CPA6: variants seen among roughly 807,000 people sequenced by gnomAD.
CPA6 encodes the protein carboxypeptidase B.
CPA6 carries 58 observed loss-of-function variants against 63.3 expected under a neutral mutation model. The observed-to-expected ratio is 0.92, with a 90% CI of 0.74 to 1.14. The LOEUF is 1.14. Among genes scored for constraint, CPA6 ranks in the 50% most tolerant of loss-of-function variants. CPA6 has a pLI of 0.00. For missense variants in CPA6, 565 were observed against 526.6 expected (o/e 1.07, Z -0.71); for synonymous variants, 185 against 179.0 (o/e 1.03, Z -0.27).
At chr8:67,554,335 G>A (rs1813012961) in intron 2 of CPA6, among the ~76,000 whole-genome samples, 1 of 152,114 alleles carries the variant, frequency 6.6e-6, no homozygotes, top group Admixed American at 6.6e-5. Flanking sequence ...TGGCAAGAAT[G>A]GGAGCAAGAG....
chr8:67,667,455 C>T (rs898455791), intron 1 of CPA6, among the ~76,000 whole-genome samples: 1 of 152,042 alleles, frequency 6.6e-6, no homozygotes, highest in Non-Finnish European at 1.5e-5. Flanking sequence ...ACAGGAAAGA[C>T]CCCCATGCCA....
At chr8:67,674,408 C>T (rs1178134501) in intron 1 of CPA6, among the ~76,000 whole-genome samples, 5 of 152,188 alleles carry the variant, frequency 3.3e-5, no homozygotes, top group African/African-American at 4.8e-5. Context: ...CTACTCTTGT[C>T]CAGCTTCATA....
rs893247250 is a variant in CPA6 at position 67,635,903 on chromosome 8, C to T, written c.117-11652G>A. ...GTAGTAAAGGATTTCTAATGTTGCC[C>T]TTCACAAGGGACCAGAGTAGATGAC... On this transcript the variant is annotated intron_variant, in intron 1 of 10. Transcript: ENST00000297770. Among the ~76,000 whole-genome samples, 13 of 151,520 alleles carry T rather than the reference C, an allele frequency of 8.6e-5. 1 individual carries two copies. Among genetic ancestry groups the T allele is most frequent in the Admixed American group, 7.9e-4 (12 of 15,234 alleles).
intron 8 of CPA6, among the ~76,000 whole-genome samples, chr8:67,451,646 T>C (rs1244007069): frequency 6.6e-6 from 1 of 152,202 alleles, no homozygotes; most frequent in Non-Finnish European, 1.5e-5. Context: ...TGGTCCCTGG[T>C]GCCACAAAGG....
At chr8:67,579,079 CA>C (rs990953177) in intron 2 of CPA6, among the ~76,000 whole-genome samples, 50 of 152,270 alleles carry the variant, frequency 3.3e-4, no homozygotes, top group African/African-American at 1.1e-3. Context: ...TATAGAAACC[CA>C]ATAGTTCTTT....
chr8:67,516,122 ACTCT>A (rs1020344695), intron 3 of CPA6, among the ~76,000 whole-genome samples: 7 of 151,606 alleles, frequency 4.6e-5, no homozygotes, highest in African/African-American at 7.3e-5. Flanking sequence ...TCAGTGTCAC[ACTCT>A]CTCTTCTCTG....
chr8:67,525,495 G>A lies in CPA6; in HGVS notation c.193-7448C>T, dbSNP rs949640861. ...AGCCTGAGTACTAGTTATAAGTCAA[G>A]CATTATTACTACAGCATTAGTAAAG... On this transcript the variant is annotated intron_variant, in intron 2 of 10. Coordinates refer to ENST00000297770, the MANE Select transcript of CPA6 (RefSeq NM_020361.5). 7.2e-5 allele frequency among the ~76,000 whole-genome samples: 11 copies of A among 152,138 alleles called. No individual in the cohort carries two copies. The East Asian group carries it at 1.9e-3, about 27-fold the overall frequency.
At chr8:67,668,668 A>G (rs1019862087) in intron 1 of CPA6, among the ~76,000 whole-genome samples, 2 of 152,188 alleles carry the variant, frequency 1.3e-5, no homozygotes, top group African/African-American at 2.4e-5. Flanking sequence ...CTGGAGTTTT[A>G]ATGATAAAAA....
chr8:67,563,504 A>G (rs1400913038), intron 2 of CPA6, among the ~76,000 whole-genome samples: 1 of 152,160 alleles, frequency 6.6e-6, no homozygotes, highest in Non-Finnish European at 1.5e-5. Context: ...CAGCTCTGAA[A>G]TTCTTTCAGG....
intron 1 of CPA6, among the ~76,000 whole-genome samples, chr8:67,654,098 G>A (rs1815920315): frequency 1.3e-5 from 2 of 152,170 alleles, no homozygotes; most frequent in African/African-American, 4.8e-5. Flanking sequence ...AAGCCCACTT[G>A]ATCATGGTGG....
intron 8 of CPA6, among the ~76,000 whole-genome samples, chr8:67,468,559 G>A (rs188998357): frequency 4.7e-5 from 7 of 148,134 alleles, no homozygotes; most frequent in Non-Finnish European, 5.9e-5. Context: ...GCACCTGGGC[G>A]ACAAGAGCGA....
chr8:67,583,948 G>T lies in CPA6; in HGVS notation c.192+40228C>A, dbSNP rs542836709. ...TGAGGCAGGAGGATCATGAGGTCAGGAGATCGAGACCATCCTGGCCAACAT... is the reference window on the plus strand; with the variant it reads ...TGAGGCAGGAGGATCATGAGGTCAGTAGATCGAGACCATCCTGGCCAACAT... On this transcript the variant is annotated intron_variant, in intron 2 of 10. Transcript: ENST00000297770. Among the ~76,000 whole-genome samples, 17 of 152,190 alleles carry T rather than the reference G, an allele frequency of 1.1e-4. No individual in the cohort carries two copies. In the South Asian group the frequency reaches 3.1e-3, roughly 28 times the overall value.
intron 8 of CPA6, among the ~76,000 whole-genome samples, chr8:67,482,228 C>A (rs2128961034): frequency 6.6e-6 from 1 of 152,288 alleles, no homozygotes; most frequent in Non-Finnish European, 1.5e-5. Flanking sequence ...GCTCAATTAC[C>A]CATCCAGAGC....
intron 1 of CPA6, among the ~76,000 whole-genome samples, chr8:67,713,099 G>GTGTGTGTATATA (rs1328463977): frequency 1.6e-4 from 9 of 55,034 alleles, no homozygotes; most frequent in Admixed American, 5.6e-4. Context: ...GTGTGTGTGT[G>GTGTGTGTATATA]TATATATATA....
At chr8:67,674,118 C>G (rs940748191) in intron 1 of CPA6, among the ~76,000 whole-genome samples, 5 of 152,162 alleles carry the variant, frequency 3.3e-5, no homozygotes, top group African/African-American at 1.2e-4. Context: ...TTATTCTCTC[C>G]ATTCTACAGT....
At chr8:67,651,848 C>T (rs1297995569) in intron 1 of CPA6, among the ~76,000 whole-genome samples, 4 of 152,000 alleles carry the variant, frequency 2.6e-5, no homozygotes, top group East Asian at 1.9e-4. Flanking sequence ...CCCATTAACT[C>T]GTCATTTAGC....
rs1166367674 is a variant in CPA6, at chr8:67,475,823, T to TTTTCTTTC, written c.838+7937_838+7944dup. ...TTTCTTTCTTTCTTTCTTTCCTTTC[T>TTTTCTTTC]TTTCTTTCTTTCTTTCTTTCTTTCT... On this transcript the variant is annotated intron_variant, in intron 8 of 10. Transcript: ENST00000297770. Among the ~76,000 whole-genome samples the TTTTCTTTC allele has an allele frequency of 2.5e-3, 115 of 45,962 alleles. 2 individuals are homozygous for TTTTCTTTC. Among genetic ancestry groups the TTTTCTTTC allele is most frequent in the Middle Eastern group, 0.013 (1 of 78 alleles). The allele number at this position is 45,962 out of a possible 152,430, so 30.2% of individuals were successfully genotyped here. A position where few individuals can be genotyped will look rare whatever the true frequency, so the allele number is the denominator to read the frequency against.
At chr8:67,527,495 C>G (rs759765161) in intron 2 of CPA6, among the ~76,000 whole-genome samples, 6 of 152,146 alleles carry the variant, frequency 3.9e-5, no homozygotes, top group Non-Finnish European at 8.8e-5. Flanking sequence ...CATCTCAGAG[C>G]CTTAATTTTC....
chr8:67,529,926 C>T, intron 2 of CPA6, among the ~76,000 whole-genome samples: 1 of 152,090 alleles, frequency 6.6e-6, no homozygotes. Flanking sequence ...CAGATATTCC[C>T]TAAAATCTTC....
Sources: allele counts gnomAD v4.1 joint callset (sites outside exome capture counted in the v4.1 genomes callset), GRCh38; gene constraint gnomAD v4.1.1; transcripts MANE v1.5; gene names NCBI Gene and HGNC (gene_info 2026-07-23, HGNC 2026-07-21).